The following RNFT2 variants were observed in gnomAD, a reference collection of about 807,000 sequenced individuals.
The protein encoded by RNFT2 is E3 ubiquitin-protein ligase RNFT2.
In RNFT2, 36 loss-of-function variants were observed where a neutral mutation model predicts 53.0. The ratio of observed to expected loss-of-function variants is 0.68; its 90% CI spans 0.52 to 0.90. RNFT2 has a LOEUF of 0.90. Among genes scored for constraint, RNFT2 ranks in the 40% least tolerant of loss-of-function variants. RNFT2 has a pLI of 0.00. For synonymous variants in RNFT2, 260 were observed against 253.2 expected, an observed-to-expected ratio of 1.03 and a Z score of -0.26; for missense variants, 514 against 585.6, an observed-to-expected ratio of 0.88 and a Z score of 1.26.
At chr12:116,848,951 T>C (rs1877756948) in intron 10 of RNFT2, among the ~76,000 whole-genome samples, 1 of 152,140 alleles carries the variant, frequency 6.6e-6, no homozygotes, top group African/African-American at 2.4e-5. Context: ...CCCGAGTAGC[T>C]GGGACTACAG....
chr12:116,838,147 A>G (rs1266722175), intron 10 of RNFT2, among the ~76,000 whole-genome samples: 3 of 152,174 alleles, frequency 2.0e-5, no homozygotes, highest in African/African-American at 7.2e-5. Context: ...GTGCCATTTT[A>G]TGAATAGACC....
At chr12:116,822,175 C>G (rs544912422) in intron 7 of RNFT2, among the ~76,000 whole-genome samples, 2 of 152,170 alleles carry the variant, frequency 1.3e-5, no homozygotes, top group Non-Finnish European at 2.9e-5. Context: ...CTCTCTGTCC[C>G]CTTAGTTCTG....
chr12:116,810,602 CA>C (rs1875326324), intron 7 of RNFT2, among the ~76,000 whole-genome samples: 1 of 152,150 alleles, frequency 6.6e-6, no homozygotes, highest in African/African-American at 2.4e-5. Flanking sequence ...CCCACCTTTC[CA>C]AACTACATCA....
rs1464688632 is a variant in RNFT2, at chr12:116,841,956, T to TAGAG, written c.1200+5675_1200+5676insGAGA. On this transcript the variant is annotated intron_variant, in intron 10 of 10. Transcript: ENST00000257575. The stretch of plus-strand genomic sequence containing the variant: ...ATATAAATATATATATAAATATATA[T>TAGAG]ATAGAGAGAGAGAGAGAGAGAGAGA... Among the ~76,000 whole-genome samples the TAGAG allele has an allele frequency of 5.8e-4, 10 of 17,234 alleles. 1 individual carries two copies. The highest frequency in any genetic ancestry group is 3.7e-3 in the African/African-American group (10 of 2,714). The allele number at this position is 17,234 out of a possible 152,430, so 11.3% of individuals were successfully genotyped here.
At chr12:116,839,718 A>G in intron 10 of RNFT2, among the ~76,000 whole-genome samples, 1 of 118,626 alleles carries the variant, frequency 8.4e-6, no homozygotes, top group Non-Finnish European at 1.7e-5. Context: ...GAATGGACAG[A>G]TGGGTGGGTA....
At chr12:116,830,919 AAG>A (rs981652374) in intron 7 of RNFT2, among the ~76,000 whole-genome samples, 8 of 152,072 alleles carry the variant, frequency 5.3e-5, no homozygotes, top group South Asian at 2.1e-4. Flanking sequence ...AAAAAAAAAA[AAG>A]AGAGAGAGAG....
intron 7 of RNFT2, among the ~76,000 whole-genome samples, chr12:116,804,354 C>T (rs1874946267): frequency 6.6e-6 from 1 of 152,194 alleles, no homozygotes; most frequent in Non-Finnish European, 1.5e-5. Flanking sequence ...GTGGGGCCAG[C>T]AGTCTGTGCC....
chr12:116,760,811 G>A (rs776884080), intron 5 of RNFT2, among the ~76,000 whole-genome samples: 12 of 152,108 alleles, frequency 7.9e-5, no homozygotes, highest in Admixed American at 2.6e-4. Context: ...GCTGCCGCCC[G>A]CTGCTCTCTC....
At chr12:116,807,888 C>G (rs1407860943) in intron 7 of RNFT2, among the ~76,000 whole-genome samples, 2 of 152,170 alleles carry the variant, frequency 1.3e-5, no homozygotes, top group African/African-American at 4.8e-5. Context: ...ACTACAGCCT[C>G]AAACTCCTGG....
In RNFT2 at chr12:116,806,381, A is replaced by ATAT. The variant is rs1555207575; in HGVS notation, c.882+27033_882+27034insTAT. 4.1e-3 allele frequency among the ~76,000 whole-genome samples: 550 copies of ATAT among 133,416 alleles called. 4 individuals are homozygous for ATAT. Among genetic ancestry groups the ATAT allele is most frequent in the Middle Eastern group, 7.4e-3 (2 of 270 alleles). 87.5% of individuals were successfully genotyped at this position (133,416 alleles called of 152,430 possible). ...TGAGACTGTCTCAAAAAAAAAAAAAAATATATATATATATATATAGATAGA... is the reference window on the plus strand; with the variant it reads ...TGAGACTGTCTCAAAAAAAAAAAAAATATATATATATATATATATATAGATAGA... On this transcript the variant is annotated intron_variant, in intron 7 of 10. Coordinates refer to ENST00000257575, the MANE Select transcript of RNFT2 (RefSeq NM_001382266.1).
At chr12:116,791,313 C>T (rs1874220982) in intron 7 of RNFT2, among the ~76,000 whole-genome samples, 1 of 152,178 alleles carries the variant, frequency 6.6e-6, no homozygotes, top group African/African-American at 2.4e-5. Context: ...CACTTCATTT[C>T]TTCTTTTTCT....
intron 1 of RNFT2, among the ~76,000 whole-genome samples, chr12:116,739,363 CTG>C (rs1184062727): frequency 6.6e-6 from 1 of 152,184 alleles, no homozygotes; most frequent in Non-Finnish European, 1.5e-5. Flanking sequence ...GAGCGCCACT[CTG>C]TGCCAAACAG....
At position 116,853,198 on chromosome 12, in the gene RNFT2, T is replaced by C. The variant is rs370851596; in HGVS notation, c.*3750T>C. ...TGCGAAAGCAGCCAGGAGTCCCCGT[T>C]GGAAAAGAACAATGCCACTCTCTTT... On this transcript the variant is annotated 3_prime_UTR_variant, in exon 11 of 11. Transcript: ENST00000257575. 158 of 399,462 alleles carry C rather than the reference T, an allele frequency of 4.0e-4. 1 individual carries two copies. Among genetic ancestry groups the C allele is most frequent in the African/African-American group, 3.0e-3 (147 of 48,702 alleles). 24.7% of individuals were successfully genotyped at this position (399,462 alleles called of 1,614,324 possible). A position where few individuals can be genotyped will look rare whatever the true frequency, so the allele number is the denominator to read the frequency against.
At chr12:116,830,738 C>G (rs1018850335) in intron 7 of RNFT2, among the ~76,000 whole-genome samples, 2 of 151,896 alleles carry the variant, frequency 1.3e-5, no homozygotes, top group Non-Finnish European at 1.5e-5. Context: ...GGTGAAACCC[C>G]ATCTCTACTA....
chr12:116,844,563 A>G (rs539839712), intron 10 of RNFT2, among the ~76,000 whole-genome samples: 1 of 152,164 alleles, frequency 6.6e-6, no homozygotes, highest in Non-Finnish European at 1.5e-5. Flanking sequence ...CTCCGTTTCT[A>G]TTTCTAAATA....
At chr12:116,748,784 C>T (rs928591670) in intron 3 of RNFT2, 5 of 376,862 alleles carry the variant, frequency 1.3e-5, no homozygotes, top group Non-Finnish European at 2.2e-5. Flanking sequence ...CCCTTTTCAA[C>T]GAAGTGTGCT....
At chr12:116,820,475 T>C (rs912628472) in intron 7 of RNFT2, among the ~76,000 whole-genome samples, 1 of 152,228 alleles carries the variant, frequency 6.6e-6, no homozygotes, top group Admixed American at 6.5e-5. Context: ...GTTACTGGAT[T>C]GGCTGTGGTG....
In RNFT2 at chr12:116,793,210, CTT is replaced by C. The variant is rs35482097; in HGVS notation, c.882+13880_882+13881del. Among the ~76,000 whole-genome samples, 1,852 of 120,748 alleles carry C rather than the reference CTT, an allele frequency of 0.015. 75 individuals are homozygous for C. In the East Asian group the frequency reaches 0.16, roughly 10 times the overall value. 79.2% of individuals were successfully genotyped at this position (120,748 alleles called of 152,430 possible). A position where few individuals can be genotyped will look rare whatever the true frequency, so the allele number is the denominator to read the frequency against. ...CACTTGTCATTACATATCCAGATAG[CTT>C]TTTTTTTTTTTTTTTTTGAGGCAGG... On this transcript the variant is annotated intron_variant, in intron 7 of 10. Coordinates refer to ENST00000257575, the MANE Select transcript of RNFT2 (RefSeq NM_001382266.1).
At chr12:116,828,904 G>A (rs558972380) in intron 7 of RNFT2, among the ~76,000 whole-genome samples, 6 of 152,130 alleles carry the variant, frequency 3.9e-5, no homozygotes, top group Admixed American at 2.0e-4. Flanking sequence ...AGGGGACTCA[G>A]GAAGCCAAGC....
Sources: gnomAD v4.1 joint callset for allele counts (sites outside exome capture counted in the v4.1 genomes callset) on GRCh38, gnomAD v4.1.1 for gene constraint, MANE v1.5 for transcripts, NCBI Gene and HGNC (gene_info 2026-07-23, HGNC 2026-07-21) for gene names.